TBC1D22A: variants seen among roughly 807,000 people sequenced by gnomAD.
The protein encoded by TBC1D22A is TBC1 domain family member 22A.
Under a neutral mutation model 60.2 loss-of-function variants are expected in TBC1D22A, and 38 were observed. The ratio of observed to expected loss-of-function variants is 0.63; its 90% confidence interval spans 0.49 to 0.83. The LOEUF is 0.83. TBC1D22A is among the 40% of genes least tolerant of loss of function. TBC1D22A has a pLI of 0.00. For synonymous variants in TBC1D22A, 302 were observed against 281.7 expected, an observed-to-expected ratio of 1.07 and a Z score of -0.72; for missense variants, 628 against 701.0, an observed-to-expected ratio of 0.90 and a Z score of 1.18.
chr22:47,036,779 A>G (rs2148395979), intron 10 of TBC1D22A, among the ~76,000 whole-genome samples: 1 of 152,148 alleles, frequency 6.6e-6, no homozygotes, highest in African/African-American at 2.4e-5. Flanking sequence ...GTGGGTGTCG[A>G]CTCAAGCCCC....
intron 11 of TBC1D22A, among the ~76,000 whole-genome samples, chr22:47,052,780 C>T (rs2063267447): frequency 6.6e-6 from 1 of 152,248 alleles, no homozygotes; most frequent in Non-Finnish European, 1.5e-5. Flanking sequence ...TACCCCCGGG[C>T]ATCTTCCTGT....
At chr22:46,941,584 A>T (rs930625967) in intron 8 of TBC1D22A, among the ~76,000 whole-genome samples, 1 of 147,472 alleles carries the variant, frequency 6.8e-6, no homozygotes, top group African/African-American at 2.5e-5. Context: ...ATATACAGGG[A>T]ATATATATAC....
At chr22:47,067,598 G>A (rs538283976) in intron 11 of TBC1D22A, among the ~76,000 whole-genome samples, 4 of 152,208 alleles carry the variant, frequency 2.6e-5, no homozygotes, top group Non-Finnish European at 2.9e-5. Flanking sequence ...GTGGCTGGGC[G>A]TGTCTGCCCC....
At chr22:47,094,794 C>G (rs2065106796) in intron 11 of TBC1D22A, among the ~76,000 whole-genome samples, 1 of 151,792 alleles carries the variant, frequency 6.6e-6, no homozygotes, top group African/African-American at 2.4e-5. Flanking sequence ...AGGGACAGAC[C>G]CTGTAGATCA....
At chr22:47,163,442 C>T (rs1044232357) in intron 12 of TBC1D22A, among the ~76,000 whole-genome samples, 9 of 152,228 alleles carry the variant, frequency 5.9e-5, no homozygotes, top group African/African-American at 2.2e-4. Flanking sequence ...TCGAGACAGG[C>T]AGGGCCTCCT....
At position 47,112,210 on chromosome 22, in the gene TBC1D22A, G is replaced by A. The variant is rs370781603; in HGVS notation, c.1425+607G>A. 3.3e-5 allele frequency among the ~76,000 whole-genome samples: 5 copies of A among 152,338 alleles called. No individual in the cohort carries two copies. The East Asian group carries it at 5.8e-4, about 18-fold the overall frequency. On this transcript the variant is annotated intron_variant, in intron 12 of 12. Transcript: ENST00000337137. ...CACCCCACGTGTTCCTCTGTGAGGCGTCCCGGGCACACTGTGGACTGTTGG... is the reference window on the plus strand; with the variant it reads ...CACCCCACGTGTTCCTCTGTGAGGCATCCCGGGCACACTGTGGACTGTTGG...
At position 47,133,900 on chromosome 22, in the gene TBC1D22A, C is replaced by T. The variant is rs1005986041; in HGVS notation, c.1425+22297C>T. On this transcript the variant is annotated intron_variant, in intron 12 of 12. Transcript: ENST00000337137. ...TTCCGTGGGCTGTCTCTCTCTCTCT[C>T]TCTCCATTCCTTCCAGAGTAGAAAT... Among the ~76,000 whole-genome samples, 5 of 152,344 alleles carry T rather than the reference C, an allele frequency of 3.3e-5. No homozygotes were observed. In the East Asian group the frequency reaches 7.7e-4, roughly 24 times the overall value.
chr22:46,772,058 T>C (rs1263373363), intron 1 of TBC1D22A, among the ~76,000 whole-genome samples: 2 of 142,790 alleles, frequency 1.4e-5, no homozygotes, highest in South Asian at 2.2e-4. Context: ...TACATATACA[T>C]ATATATGTAT....
In TBC1D22A at chr22:47,076,380, T is replaced by TACAC. The variant is rs1183466938; in HGVS notation, c.1330-35102_1330-35099dup. ...GTGTGTGTATATATATATATATATATACACACACACACACACACACACACA... is the reference window on the plus strand; with the variant it reads ...GTGTGTGTATATATATATATATATATACACACACACACACACACACACACACACA... On this transcript the variant is annotated intron_variant, in intron 11 of 12. Transcript: ENST00000337137. 1.9e-3 allele frequency among the ~76,000 whole-genome samples: 233 copies of TACAC among 124,532 alleles called. 2 individuals are homozygous for TACAC. The highest frequency in any genetic ancestry group is 1.8e-3 in the Non-Finnish European group (106 of 60,500). The allele number at this position is 124,532 out of a possible 152,430, so 81.7% of individuals were successfully genotyped here.
At chr22:47,127,519 C>T (rs1408215420) in intron 12 of TBC1D22A, among the ~76,000 whole-genome samples, 8 of 151,926 alleles carry the variant, frequency 5.3e-5, no homozygotes, top group Non-Finnish European at 8.8e-5. Context: ...GCCACCACCA[C>T]GCCCAGCCTG....
chr22:47,047,183 A>T (rs574976437), intron 11 of TBC1D22A, among the ~76,000 whole-genome samples: 7 of 152,308 alleles, frequency 4.6e-5, no homozygotes, highest in African/African-American at 1.7e-4. Context: ...CCCTGCTTGC[A>T]TGTAGCAATT....
intron 8 of TBC1D22A, among the ~76,000 whole-genome samples, chr22:46,937,297 A>G (rs1423164326): frequency 6.6e-6 from 1 of 152,212 alleles, no homozygotes; most frequent in East Asian, 1.9e-4. Context: ...CAGGATATAC[A>G]GTTCTGCGCC....
chr22:46,787,154 A>G (rs1201604108), intron 1 of TBC1D22A, among the ~76,000 whole-genome samples: 1 of 152,160 alleles, frequency 6.6e-6, no homozygotes, highest in Non-Finnish European at 1.5e-5. Context: ...TTATTTCTGT[A>G]AGGTTGATAA....
At chr22:47,036,759 G>T (rs781745613) in intron 10 of TBC1D22A, among the ~76,000 whole-genome samples, 7 of 152,176 alleles carry the variant, frequency 4.6e-5, no homozygotes, top group Non-Finnish European at 1.0e-4. Flanking sequence ...TATCTGTGGA[G>T]CCCCACGGTG....
intron 12 of TBC1D22A, among the ~76,000 whole-genome samples, chr22:47,140,566 A>AAAAAG (rs1556313059): frequency 3.5e-4 from 53 of 150,706 alleles, no homozygotes; most frequent in African/African-American, 1.2e-3. Flanking sequence ...AAAAAAAAAA[A>AAAAAG]AAAGAAAGAA....
intron 11 of TBC1D22A, among the ~76,000 whole-genome samples, chr22:47,084,960 T>C (rs1329165918): frequency 6.6e-6 from 1 of 152,230 alleles, no homozygotes; most frequent in Non-Finnish European, 1.5e-5. Flanking sequence ...CTTGGACTAT[T>C]GGCATTCTTT....
chr22:46,838,966 A>G (rs2086635602), intron 4 of TBC1D22A, among the ~76,000 whole-genome samples: 1 of 152,220 alleles, frequency 6.6e-6, no homozygotes. Context: ...CCTTTCCTCT[A>G]AGATCAGGAA....
At chr22:47,020,384 A>C (rs1043938125) in intron 10 of TBC1D22A, among the ~76,000 whole-genome samples, 2 of 152,090 alleles carry the variant, frequency 1.3e-5, no homozygotes, top group Non-Finnish European at 2.9e-5. Flanking sequence ...TGCGTCTTCA[A>C]CCTCGCTGTA....
chr22:46,963,200 G>A (rs2073607409), intron 8 of TBC1D22A, among the ~76,000 whole-genome samples: 1 of 149,578 alleles, frequency 6.7e-6, no homozygotes, highest in African/African-American at 2.5e-5. Context: ...TATAGCCCGG[G>A]TGACAGAGCA....
Sources: gnomAD v4.1 joint callset for allele counts (sites outside exome capture counted in the v4.1 genomes callset) on GRCh38, gnomAD v4.1.1 for gene constraint, MANE v1.5 for transcripts, NCBI Gene and HGNC (gene_info 2026-07-23, HGNC 2026-07-21) for gene names.